UNC5D: variants seen among roughly 807,000 people sequenced by gnomAD.
The protein encoded by UNC5D is netrin receptor UNC5D.
Under a neutral mutation model 105.4 loss-of-function variants are expected in UNC5D, and 39 were observed. The ratio of observed to expected loss-of-function variants is 0.37; its 90% confidence interval spans 0.29 to 0.48. The LOEUF (loss-of-function observed/expected upper bound fraction) is 0.48, where lower values mean the gene tolerates loss of function less well. Ranked by LOEUF, UNC5D falls within the 20% of genes least tolerant of loss-of-function variation. UNC5D has a pLI of 0.98. For synonymous variants in UNC5D, 452 were observed against 450.4 expected (o/e 1.00, Z -0.04); for missense variants, 991 against 1,202.4 (o/e 0.82, Z 2.60).
chr8:35,676,503 CA>C (rs1426676573), intron 4 of UNC5D, among the ~76,000 whole-genome samples: 1 of 152,188 alleles, frequency 6.6e-6, no homozygotes, highest in Non-Finnish European at 1.5e-5. Context: ...CTGTTAGCCA[CA>C]AGGTGGTCAA....
At chr8:35,527,034 G>C (rs924398820) in intron 1 of UNC5D, among the ~76,000 whole-genome samples, 1 of 152,072 alleles carries the variant, frequency 6.6e-6, no homozygotes, top group African/African-American at 2.4e-5. Flanking sequence ...ATGTCACTTA[G>C]AGAAAAGATT....
At chr8:35,606,726 G>T (rs956555775) in intron 4 of UNC5D, among the ~76,000 whole-genome samples, 7 of 152,234 alleles carry the variant, frequency 4.6e-5, no homozygotes, top group Non-Finnish European at 8.8e-5. Context: ...AATAAAGGAT[G>T]TGCAGTCTGG....
At chr8:35,618,696 T>C (rs1363180834) in intron 4 of UNC5D, among the ~76,000 whole-genome samples, 2 of 152,222 alleles carry the variant, frequency 1.3e-5, no homozygotes, top group Admixed American at 6.5e-5. Context: ...TTTTTCATTG[T>C]ACAGATGTGG....
chr8:35,694,969 CTA>C (rs993841694), intron 7 of UNC5D, among the ~76,000 whole-genome samples: 6 of 152,096 alleles, frequency 3.9e-5, no homozygotes, highest in African/African-American at 1.4e-4. Flanking sequence ...GAGATACTTT[CTA>C]TGTTTCATTA....
intron 1 of UNC5D, among the ~76,000 whole-genome samples, chr8:35,493,281 CAAAAAAAAA>C (rs35199794): frequency 3.0e-5 from 2 of 67,154 alleles, no homozygotes; most frequent in African/African-American, 1.1e-4. Flanking sequence ...AGTCTGTGAC[CAAAAAAAAA>C]AAAAAAAAAA....
At chr8:35,579,901 A>G (rs886443644) in intron 3 of UNC5D, among the ~76,000 whole-genome samples, 1 of 152,218 alleles carries the variant, frequency 6.6e-6, no homozygotes, top group Non-Finnish European at 1.5e-5. Context: ...AACTCAAGGA[A>G]GCTTTGCACC....
In UNC5D at chr8:35,772,086, T is replaced by C. The variant is rs181521102; in HGVS notation, c.2479-2213T>C. Among the ~76,000 whole-genome samples the C allele has an allele frequency of 1.3e-4, 20 of 152,322 alleles. No homozygotes were observed. The East Asian group carries it at 2.5e-3, about 19-fold the overall frequency. ...CTGGAATAGTTTTGATGAATATTGTTTTATAATATTCCAGGAACATAACTA... is the reference window on the plus strand; with the variant it reads ...CTGGAATAGTTTTGATGAATATTGTCTTATAATATTCCAGGAACATAACTA... On this transcript the variant is annotated intron_variant, in intron 15 of 16. Transcript: ENST00000404895.
intron 1 of UNC5D, among the ~76,000 whole-genome samples, chr8:35,328,168 TAAGAA>T (rs1810318151): frequency 6.6e-6 from 1 of 152,192 alleles, no homozygotes; most frequent in African/African-American, 2.4e-5. Context: ...TTCCAAAAAA[TAAGAA>T]AAGCTTGAAT....
chr8:35,617,579 C>T (rs955832967), intron 4 of UNC5D, among the ~76,000 whole-genome samples: 8 of 152,208 alleles, frequency 5.3e-5, no homozygotes, highest in East Asian at 1.9e-4. Flanking sequence ...TTAGATTCAG[C>T]ACAGTCAGTA....
chr8:35,440,869 G>A (rs966212424), intron 1 of UNC5D, among the ~76,000 whole-genome samples: 8 of 151,852 alleles, frequency 5.3e-5, no homozygotes, highest in South Asian at 2.1e-4. Flanking sequence ...CATACATACC[G>A]ATCAGTGATT....
intron 1 of UNC5D, among the ~76,000 whole-genome samples, chr8:35,264,360 T>TAATAGGATATAGAG (rs1554497621): frequency 1.3e-5 from 2 of 151,302 alleles, no homozygotes; most frequent in East Asian, 3.9e-4. Context: ...TTCAAGTATA[T>TAATAGGATATAGAG]AATAGGACAT....
In UNC5D at chr8:35,422,077, A is replaced by G. The variant is rs1327528219; in HGVS notation, c.104-127215A>G. 2.0e-5 allele frequency among the ~76,000 whole-genome samples: 3 copies of G among 152,206 alleles called. No homozygotes were observed. In the East Asian group the frequency reaches 5.8e-4, roughly 29 times the overall value. The stretch of plus-strand genomic sequence containing the variant: ...ATGTTTTGTGTGTGGTAAACCATGA[A>G]CGGTATAGCCTCACGCTGGGATTGT... On this transcript the variant is annotated intron_variant, in intron 1 of 16. Coordinates refer to ENST00000404895, the MANE Select transcript of UNC5D (RefSeq NM_080872.4).
chr8:35,539,634 G>A (rs2589344), intron 1 of UNC5D, among the ~76,000 whole-genome samples: 34,535 of 151,924 alleles, frequency 0.23, 4,268 homozygotes, highest in African/African-American at 0.33. Context: ...TAGGAGAGTC[G>A]GTTCGGATTT....
intron 1 of UNC5D, chr8:35,525,223 G>A (rs1813780168): frequency 6.2e-7 from 1 of 1,611,624 alleles, no homozygotes; most frequent in Non-Finnish European, 8.5e-7. Flanking sequence ...GCTTGTGAAC[G>A]TTGCAGTATC....
At chr8:35,339,589 G>A (rs1811309433) in intron 1 of UNC5D, among the ~76,000 whole-genome samples, 1 of 152,240 alleles carries the variant, frequency 6.6e-6, no homozygotes, top group Admixed American at 6.5e-5. Context: ...TGTGTGTTGA[G>A]CATTTAGGAG....
rs566606089 is a variant in UNC5D, at chr8:35,754,176, G to C, written c.2163+3367G>C. 2.0e-5 allele frequency among the ~76,000 whole-genome samples: 3 copies of C among 152,226 alleles called. No homozygotes were observed. The South Asian group carries it at 6.2e-4, about 32-fold the overall frequency. ...ATTTAGCTCTCCCAACTTCTGTAGC[G>C]TAAGCTGAAAATAGAGTATACAGTA... On this transcript the variant is annotated intron_variant, in intron 13 of 16. Transcript: ENST00000404895.
rs775014566 is a variant in UNC5D at position 35,710,934 on chromosome 8, C to CTTTTTTT, written c.1117+4989_1117+4995dup. 1.9e-3 allele frequency among the ~76,000 whole-genome samples: 214 copies of CTTTTTTT among 114,330 alleles called. 8 individuals are homozygous for CTTTTTTT. The highest frequency in any genetic ancestry group is 4.1e-3 in the African/African-American group (103 of 25,022). 75.0% of individuals were successfully genotyped at this position (114,330 alleles called of 152,430 possible). On this transcript the variant is annotated intron_variant, in intron 8 of 16. Coordinates refer to ENST00000404895, the MANE Select transcript of UNC5D (RefSeq NM_080872.4). ...GCCTCTTCAGTAGCTCAGCATTATTCTTTTTTTTTTTTTTTTTTTTTTGAG... is the reference window on the plus strand; with the variant it reads ...GCCTCTTCAGTAGCTCAGCATTATTCTTTTTTTTTTTTTTTTTTTTTTTTTTTTTGAG...
At chr8:35,688,169 A>AC (rs1305344878) in intron 7 of UNC5D, among the ~76,000 whole-genome samples, 1 of 151,836 alleles carries the variant, frequency 6.6e-6, no homozygotes, top group Non-Finnish European at 1.5e-5. Context: ...AACAAAAAAA[A>AC]ACACACACAA....
chr8:35,740,618 G>A (rs1222178200), intron 11 of UNC5D, among the ~76,000 whole-genome samples: 1 of 152,152 alleles, frequency 6.6e-6, no homozygotes, highest in Non-Finnish European at 1.5e-5. Flanking sequence ...CTTGGGCTTT[G>A]TTTAGTGTCT....
Sources: allele counts gnomAD v4.1 joint callset (sites outside exome capture counted in the v4.1 genomes callset), GRCh38; gene constraint gnomAD v4.1.1; transcripts MANE v1.5; gene names NCBI Gene and HGNC (gene_info 2026-07-23, HGNC 2026-07-21).